Variants in MAD1L1 observed in about 807,000 individuals in gnomAD.
MAD1L1 encodes mitotic arrest deficient 1 like 1.
MAD1L1 carries 95 observed loss-of-function variants against 96.9 expected under a neutral mutation model. The ratio of observed to expected loss-of-function variants is 0.98; its 90% CI spans 0.83 to 1.16. The LOEUF (loss-of-function observed/expected upper bound fraction) is 1.16. Ranked by LOEUF, MAD1L1 falls within the 50% of genes most tolerant of loss-of-function variation. The pLI is 0.00. For synonymous variants in MAD1L1, 473 were observed against 396.6 expected, an observed-to-expected ratio of 1.19 and a Z score of -2.29; for missense variants, 1,007 against 954.4, an observed-to-expected ratio of 1.06 and a Z score of -0.73.
intron 12 of MAD1L1, among the ~76,000 whole-genome samples, chr7:2,032,867 G>A (rs1783291745): frequency 6.6e-6 from 1 of 152,182 alleles, no homozygotes; most frequent in Admixed American, 6.5e-5. Context: ...GGCACTCAGG[G>A]AGCCCCACAC....
chr7:1,880,115 C>T (rs1478219132), intron 18 of MAD1L1, among the ~76,000 whole-genome samples: 1 of 152,232 alleles, frequency 6.6e-6, no homozygotes, highest in Non-Finnish European at 1.5e-5. Context: ...AATAGGCCAA[C>T]TAGGACTCGC....
chr7:1,994,737 G>A (rs1037651321), intron 14 of MAD1L1, among the ~76,000 whole-genome samples: 3 of 152,212 alleles, frequency 2.0e-5, no homozygotes, highest in East Asian at 1.9e-4. Flanking sequence ...GTGAGAGGGC[G>A]CCATCTGGAA....
At chr7:2,039,511 T>C (rs1297018195) in intron 12 of MAD1L1, among the ~76,000 whole-genome samples, 3 of 152,234 alleles carry the variant, frequency 2.0e-5, no homozygotes, top group Non-Finnish European at 2.9e-5. Flanking sequence ...CTCTACACAC[T>C]GACTGGCATC....
chr7:2,154,203 A>C (rs1789712708), intron 10 of MAD1L1, among the ~76,000 whole-genome samples: 1 of 152,208 alleles, frequency 6.6e-6, no homozygotes, highest in South Asian at 2.1e-4. Flanking sequence ...ACGTGGCTGG[A>C]ATGGGAGGTG....
chr7:1,836,796 C>T (rs186056069), intron 18 of MAD1L1, among the ~76,000 whole-genome samples: 3 of 151,728 alleles, frequency 2.0e-5, no homozygotes, highest in African/African-American at 7.3e-5. Flanking sequence ...CCAGACCTTG[C>T]ACCATATAAA....
intron 11 of MAD1L1, among the ~76,000 whole-genome samples, chr7:2,113,566 C>T (rs960670774): frequency 5.3e-5 from 8 of 152,028 alleles, no homozygotes; most frequent in Admixed American, 3.9e-4. Flanking sequence ...GGCAACAGAG[C>T]GAGACTCTAT....
intron 18 of MAD1L1, among the ~76,000 whole-genome samples, chr7:1,890,547 C>T (rs1334204049): frequency 6.6e-6 from 1 of 152,242 alleles, no homozygotes; most frequent in Non-Finnish European, 1.5e-5. Flanking sequence ...GAGCCAAATA[C>T]ACTCCTTTTT....
At chr7:1,820,878 A>C (rs540860464) in intron 18 of MAD1L1, among the ~76,000 whole-genome samples, 3 of 152,034 alleles carry the variant, frequency 2.0e-5, no homozygotes, top group East Asian at 3.9e-4. Context: ...TCAGGAGATC[A>C]AGACCATCCT....
chr7:2,086,875 G>A (rs753286487), intron 11 of MAD1L1, among the ~76,000 whole-genome samples: 14 of 152,188 alleles, frequency 9.2e-5, no homozygotes, highest in Non-Finnish European at 1.6e-4. Flanking sequence ...TATCTTCTGC[G>A]ACTAAAAGCA....
intron 18 of MAD1L1, among the ~76,000 whole-genome samples, chr7:1,834,284 T>G (rs1186529253): frequency 6.6e-6 from 1 of 151,124 alleles, no homozygotes; most frequent in Non-Finnish European, 1.5e-5. Context: ...AAGGGCAAAT[T>G]AGACAAAGTA....
intron 5 of MAD1L1, among the ~76,000 whole-genome samples, chr7:2,222,098 G>C (rs573496099): frequency 1.9e-4 from 28 of 147,440 alleles, no homozygotes; most frequent in East Asian, 1.4e-3. Context: ...TTTTGAGACA[G>C]AGTCTTGCTG....
At chr7:2,192,198 T>G (rs1234261990) in intron 10 of MAD1L1, among the ~76,000 whole-genome samples, 2 of 151,630 alleles carry the variant, frequency 1.3e-5, no homozygotes, top group Non-Finnish European at 2.9e-5. Context: ...TGGCATGATC[T>G]CGGCTCACTG....
intron 10 of MAD1L1, among the ~76,000 whole-genome samples, chr7:2,180,297 A>G (rs1451197259): frequency 6.6e-6 from 1 of 152,236 alleles, no homozygotes; most frequent in Non-Finnish European, 1.5e-5. Context: ...GCAAAGGCAG[A>G]GTGGCCACCA....
intron 16 of MAD1L1, among the ~76,000 whole-genome samples, chr7:1,947,745 C>G (rs1779295791): frequency 1.3e-5 from 2 of 152,244 alleles, no homozygotes; most frequent in East Asian, 1.9e-4. Flanking sequence ...TGTAACAAGC[C>G]CAGGCGAGGG....
At chr7:1,855,192 C>T (rs984052679) in intron 18 of MAD1L1, among the ~76,000 whole-genome samples, 1 of 152,136 alleles carries the variant, frequency 6.6e-6, no homozygotes, top group East Asian at 1.9e-4. Flanking sequence ...TTCCCGTCTC[C>T]CTCCTCTTTG....
At chr7:2,039,474 A>C (rs1263905251) in intron 12 of MAD1L1, among the ~76,000 whole-genome samples, 1 of 152,182 alleles carries the variant, frequency 6.6e-6, no homozygotes, top group Non-Finnish European at 1.5e-5. Flanking sequence ...TCACTCTCCC[A>C]TCAGCAAGGC....
At chr7:1,844,143 G>GGGGTGGGGGGGA (rs1783449615) in intron 18 of MAD1L1, 1 of 154,550 alleles carries the variant, frequency 6.5e-6, no homozygotes, top group African/African-American at 2.4e-5. Context: ...ACACACGGCT[G>GGGGTGGGGGGGA]AACCGCTTAA....
chr7:1,987,434 C>T (rs1781202852), intron 14 of MAD1L1, among the ~76,000 whole-genome samples: 2 of 152,194 alleles, frequency 1.3e-5, no homozygotes, highest in South Asian at 2.1e-4. Flanking sequence ...GGTACTGGGG[C>T]GGGTCTAAGT....
At chr7:2,067,695 C>G (rs1022052430) in intron 12 of MAD1L1, among the ~76,000 whole-genome samples, 24 of 152,246 alleles carry the variant, frequency 1.6e-4, no homozygotes, top group Non-Finnish European at 2.8e-4. Flanking sequence ...CTCCAGGCCT[C>G]GAGGTGACTG....
Sources: gnomAD v4.1 joint callset for allele counts (sites outside exome capture counted in the v4.1 genomes callset) on GRCh38, gnomAD v4.1.1 for gene constraint, MANE v1.5 for transcripts, NCBI Gene and HGNC (gene_info 2026-07-23, HGNC 2026-07-21) for gene names.